The following SPTAN1 variants were observed in gnomAD, a reference collection of about 807,000 sequenced individuals.
SPTAN1 encodes the protein spectrin alpha chain, non-erythrocytic 1.
A neutral mutation model predicts 331.3 loss-of-function variants in SPTAN1; 61 were observed. The ratio of observed to expected loss-of-function variants is 0.18; its 90% CI spans 0.15 to 0.23. SPTAN1 has a LOEUF of 0.23. SPTAN1 is among the 10% of genes least tolerant of loss of function. SPTAN1 has a pLI of 1.00. For missense variants in SPTAN1, 2,043 were observed against 3,147.9 expected (o/e 0.65, Z 8.40); for synonymous variants, 1,153 against 1,173.9 (o/e 0.98, Z 0.36).
chr9:128,621,094 C>A, intron 44 of SPTAN1, 64 bp from the exon 45 acceptor site: 1 of 1,470,830 alleles, frequency 6.8e-7, no homozygotes, highest in Non-Finnish European at 9.5e-7. Flanking sequence ...CTCTCTGTCC[C>A]CGGGGCCTAG....
Position 128,632,116 on chromosome 9 carries a change from CA to C in SPTAN1, c.6763-10del. ...CCCCCGTCTGAGCATCTGTGCTCCC[CA>C]CCCCTGCAGCGCAAGCACCAGGAAA... On this transcript the variant is annotated splice_polypyrimidine_tract_variant and intron_variant, in intron 52 of 56. Transcript: ENST00000372739. The C allele has an allele frequency of 6.2e-7, 1 of 1,612,566 alleles. No homozygotes were observed. Among genetic ancestry groups the C allele is most frequent in the Non-Finnish European group, 8.5e-7 (1 of 1,179,746 alleles).
At chr9:128,626,272 G>A in intron 48 of SPTAN1, 119 bp from the exon 49 acceptor site, 1 of 1,286,294 alleles carries the variant, frequency 7.8e-7, no homozygotes, top group Non-Finnish European at 1.1e-6. Context: ...GGGGAGCTAA[G>A]CTCCCAGCAG....
In SPTAN1 at chr9:128,583,064, C is replaced by A; in HGVS notation, c.1807-13C>A. 1 of 1,613,838 alleles carries A rather than the reference C, an allele frequency of 6.2e-7. No individual in the cohort carries two copies. The highest frequency in any genetic ancestry group is 1.3e-5 in the African/African-American group (1 of 75,046). ...GGTTCAAGATAGAAAGAACCCCCTT[C>A]TTTTATTCACAGGATCCATCCAACC... On this transcript the variant is annotated splice_polypyrimidine_tract_variant and intron_variant, in intron 14 of 56. Transcript: ENST00000372739.
rs1181746721 is a variant in SPTAN1 at position 128,591,624 on chromosome 9, C to T, written c.3154C>T (p.Gln1052Ter). Residue 1052 changes from glutamine to a stop codon, truncating the protein, a stop_gained and splice_region_variant, in exon 22 of 57, where the codon CAG (glutamine) becomes TAG (stop). Transcript: ENST00000372739. LOFTEE classifies it high-confidence loss of function. ...ACTGCGGCAGGAGCAGATTGACAATCAGTAAGGATGACACTGGGGGCCGCA... is the reference window on the plus strand; with the variant it reads ...ACTGCGGCAGGAGCAGATTGACAATTAGTAAGGATGACACTGGGGGCCGCA... ...IALRQEQIDN[Q>*]TRITKEAGSV... 6.2e-7 allele frequency: 1 copy of T among 1,613,820 alleles called. No individual in the cohort carries two copies. The highest frequency in any genetic ancestry group is 8.5e-7 in the Non-Finnish European group (1 of 1,179,964).
intron 19 of SPTAN1, among the ~76,000 whole-genome samples, chr9:128,586,591 A>G (rs1009513847): frequency 2.0e-5 from 3 of 152,190 alleles, no homozygotes; most frequent in African/African-American, 7.2e-5. Context: ...ATGCACACAT[A>G]CATATATACA....
chr9:128,624,316 T>C lies in SPTAN1; in HGVS notation c.5833-12T>C, dbSNP rs1858406731. The C allele has an allele frequency of 1.2e-6, 2 of 1,613,638 alleles. No homozygotes were observed. The highest frequency in any genetic ancestry group is 1.3e-5 in the African/African-American group (1 of 74,840). The stretch of plus-strand genomic sequence containing the variant: ...TAAGGCTGACCAGTGTGTGCCTCTC[T>C]CCATGGCCTAGAACAATCACCATGA... On this transcript the variant is annotated splice_polypyrimidine_tract_variant and intron_variant, in intron 45 of 56. Coordinates refer to ENST00000372739, the MANE Select transcript of SPTAN1 (RefSeq NM_001130438.3).
rs891904044 is a variant in SPTAN1 at position 128,566,634 on chromosome 9, C to A, written c.-3-104C>A. The A allele has an allele frequency of 1.9e-6, 3 of 1,543,468 alleles. No individual in the cohort carries two copies. In the East Asian group the frequency reaches 6.8e-5, roughly 35 times the overall value. On this transcript the variant is annotated intron_variant, in intron 1 of 56. Transcript: ENST00000372739. ...GGCTGTCTTCTCAATTCATTTGTCT[C>A]CTGGGTTTATCTGATAATTATTTCT...
Position 128,594,304 on chromosome 9 carries a change from A to G in SPTAN1, c.3345A>G (p.Thr1115=). 6.2e-7 allele frequency: 1 copy of G among 1,614,162 alleles called. No homozygotes were observed. The change falls in exon 24 of 57, where the codon ACA becomes ACG. Residue 1115 remains threonine, a synonymous_variant. Transcript: ENST00000372739. ...TCAATGAGAAGGAAGCCGCTCTGAC[A>G]AGTGAGGAGGTCGGAGCAGACTTGG... ...QWINEKEAAL[T]SEEVGADLEQ... is the part of the protein sequence containing the mutation.
chr9:128,556,985 C>T (rs1848707315), intron 1 of SPTAN1, among the ~76,000 whole-genome samples: 1 of 152,212 alleles, frequency 6.6e-6, no homozygotes, highest in African/African-American at 2.4e-5. Flanking sequence ...CTTTGCAAAT[C>T]TGAAATTTGG....
chr9:128,619,258 T>C lies in SPTAN1; in HGVS notation c.5733+255T>C, dbSNP rs188544996. Among the ~76,000 whole-genome samples the C allele has an allele frequency of 1.1e-3, 172 of 152,318 alleles. 2 individuals carry two copies. In the East Asian group the frequency reaches 0.028, roughly 25 times the overall value. On this transcript the variant is annotated intron_variant, in intron 44 of 56. Transcript: ENST00000372739. ...TCATTCACCAGGCAGCGCTGTGGGC[T>C]TGAGTCTTCATATCAGTTTCCTGGG...
chr9:128,604,934 G>A (rs1019874195), intron 29 of SPTAN1, 100 bp from the exon 30 acceptor site: 8 of 1,229,632 alleles, frequency 6.5e-6, no homozygotes, highest in South Asian at 4.4e-5. Flanking sequence ...CTCCATCTCA[G>A]TAAATAAATA....
intron 27 of SPTAN1, among the ~76,000 whole-genome samples, chr9:128,600,409 G>A (rs1279526002): frequency 6.6e-6 from 1 of 152,206 alleles, no homozygotes; most frequent in East Asian, 1.9e-4. Context: ...GTAAGAGGCG[G>A]TCCAAAGGGA....
intron 12 of SPTAN1, 39 bp downstream of exon 12, chr9:128,581,931 A>G: frequency 7.0e-7 from 1 of 1,418,464 alleles, no homozygotes; most frequent in East Asian, 2.3e-5. Context: ...AATGACCCTT[A>G]TAGTAAGCCA....
chr9:128,605,573 A>C, intron 31 of SPTAN1, 96 bp downstream of exon 31: 1 of 1,473,982 alleles, frequency 6.8e-7, no homozygotes, highest in Non-Finnish European at 9.3e-7. Flanking sequence ...GCAGGGTACA[A>C]TGGCTCACAC....
chr9:128,574,622 G>C (rs1011747865), intron 3 of SPTAN1, 53 bp from the exon 4 acceptor site: 1 of 1,611,480 alleles, frequency 6.2e-7, no homozygotes, highest in African/African-American at 1.3e-5. Flanking sequence ...GGAAGAGCCA[G>C]ATCCCACAGA....
chr9:128,591,725 C>T, intron 22 of SPTAN1, 100 bp downstream of exon 22: 1 of 1,464,348 alleles, frequency 6.8e-7, no homozygotes, highest in Non-Finnish European at 9.4e-7. Context: ...TCCTGGAGCC[C>T]ACCTGCACGC....
chr9:128,580,910 T>C lies in SPTAN1; in HGVS notation c.1324-12T>C, dbSNP rs371641680. 31 of 1,612,352 alleles carry C rather than the reference T, an allele frequency of 1.9e-5. No homozygotes were observed. The African/African-American group carries it at 3.7e-4, about 19-fold the overall frequency. On this transcript the variant is annotated splice_polypyrimidine_tract_variant and intron_variant, in intron 10 of 56. Transcript: ENST00000372739. ...ACCTCATCTCCCTGACCATGTCTCC[T>C]ATGCCCCCAAGCTGACCGTCCTTTC...
intron 3 of SPTAN1, among the ~76,000 whole-genome samples, chr9:128,573,214 C>G (rs1041674727): frequency 6.6e-6 from 1 of 152,224 alleles, no homozygotes; most frequent in Non-Finnish European, 1.5e-5. Flanking sequence ...AATGCATCAT[C>G]TAAGCTTGAA....
intron 37 of SPTAN1, among the ~76,000 whole-genome samples, chr9:128,610,479 A>G (rs544362052): frequency 3.0e-4 from 46 of 152,110 alleles, no homozygotes; most frequent in Middle Eastern, 3.2e-3. Flanking sequence ...ATTGAGCCAG[A>G]TGGCTCCATC....
Sources: allele counts gnomAD v4.1 joint callset (sites outside exome capture counted in the v4.1 genomes callset), GRCh38; gene constraint gnomAD v4.1.1; transcripts MANE v1.5; gene names NCBI Gene and HGNC (gene_info 2026-07-23, HGNC 2026-07-21).